Variants in CBLB observed in about 807,000 individuals in gnomAD.
CBLB encodes E3 ubiquitin-protein ligase CBL-B.
Under a neutral mutation model 104.9 loss-of-function variants are expected in CBLB, and 31 were observed. The observed-to-expected ratio is 0.30, with a 90% CI of 0.22 to 0.40. The LOEUF is 0.40. CBLB is among the 10% of genes least tolerant of loss of function. CBLB has a pLI of 1.00. For synonymous variants in CBLB, 440 were observed against 422.6 expected (o/e 1.04, Z -0.51); for missense variants, 1,062 against 1,214.6 (o/e 0.87, Z 1.87).
intron 10 of CBLB, among the ~76,000 whole-genome samples, chr3:105,718,551 A>T (rs866757278): frequency 6.6e-6 from 1 of 152,284 alleles, no homozygotes; most frequent in South Asian, 2.1e-4. Flanking sequence ...TTTCCTTCCT[A>T]CAGAGATAGA....
At chr3:105,780,654 T>G (rs2080089137) in intron 3 of CBLB, among the ~76,000 whole-genome samples, 1 of 83,720 alleles carries the variant, frequency 1.2e-5, no homozygotes, top group Non-Finnish European at 2.4e-5. Flanking sequence ...AAAAGTTTTG[T>G]TTTTTGTTTT....
chr3:105,788,051 G>GA (rs2081225162), intron 3 of CBLB, among the ~76,000 whole-genome samples: 1 of 152,048 alleles, frequency 6.6e-6, no homozygotes, highest in Non-Finnish European at 1.5e-5. Context: ...ATTTGCTCTT[G>GA]GTGAGGCAAT....
At chr3:105,660,966 CT>C (rs35803625) in intron 18 of CBLB, among the ~76,000 whole-genome samples, 66,657 of 142,848 alleles carry the variant, frequency 0.47, 15,507 homozygotes, top group East Asian at 0.74. Flanking sequence ...ATGTCTTCTT[CT>C]TTTTTTTTTT....
intron 10 of CBLB, among the ~76,000 whole-genome samples, chr3:105,714,659 C>T (rs1036931673): frequency 6.6e-6 from 1 of 152,130 alleles, no homozygotes; most frequent in African/African-American, 2.4e-5. Flanking sequence ...GATGAAGCTT[C>T]GCTCACTAGC....
chr3:105,852,695 G>A (rs1185574929), intron 3 of CBLB, among the ~76,000 whole-genome samples: 1 of 152,026 alleles, frequency 6.6e-6, no homozygotes, highest in Non-Finnish European at 1.5e-5. Flanking sequence ...CAAGCTCCAT[G>A]CATGTTATAC....
intron 3 of CBLB, among the ~76,000 whole-genome samples, chr3:105,788,252 T>A (rs1421777378): frequency 6.6e-6 from 1 of 152,090 alleles, no homozygotes; most frequent in Non-Finnish European, 1.5e-5. Flanking sequence ...GCCACATAAA[T>A]AAAACTTCCT....
intron 9 of CBLB, among the ~76,000 whole-genome samples, chr3:105,730,948 T>A (rs775851356): frequency 6.6e-6 from 1 of 152,148 alleles, no homozygotes; most frequent in East Asian, 1.9e-4. Context: ...ACTTCCTCAA[T>A]TTATAAAAGT....
chr3:105,837,274 A>G (rs1054008539), intron 3 of CBLB, among the ~76,000 whole-genome samples: 15 of 152,342 alleles, frequency 9.8e-5, no homozygotes, highest in African/African-American at 3.6e-4. Context: ...AAAGAGGATG[A>G]AGCACTTCTG....
chr3:105,708,072 T>C (rs2070469672), intron 10 of CBLB, among the ~76,000 whole-genome samples: 1 of 152,094 alleles, frequency 6.6e-6, no homozygotes, highest in Non-Finnish European at 1.5e-5. Context: ...GAATTCATCT[T>C]TAGCCCACCA....
At chr3:105,861,172 T>C (rs1182172545) in intron 2 of CBLB, among the ~76,000 whole-genome samples, 1 of 152,054 alleles carries the variant, frequency 6.6e-6, no homozygotes, top group Non-Finnish European at 1.5e-5. Context: ...ATAATATTAT[T>C]AATATATGCC....
At chr3:105,794,002 T>C (rs1032682118) in intron 3 of CBLB, among the ~76,000 whole-genome samples, 4 of 152,154 alleles carry the variant, frequency 2.6e-5, no homozygotes, top group African/African-American at 9.7e-5. Flanking sequence ...AGTTTATATA[T>C]GGGAAAAGGC....
At chr3:105,778,560 TA>T (rs897214893) in intron 3 of CBLB, among the ~76,000 whole-genome samples, 7 of 151,156 alleles carry the variant, frequency 4.6e-5, no homozygotes, top group African/African-American at 1.5e-4. Flanking sequence ...TAAAAAAGTT[TA>T]AAAAAAAACA....
intron 14 of CBLB, among the ~76,000 whole-genome samples, chr3:105,684,740 A>T (rs1234969806): frequency 6.6e-6 from 1 of 152,134 alleles, no homozygotes; most frequent in East Asian, 1.9e-4. Flanking sequence ...TTTAGTAGAG[A>T]CAGGGTTTCA....
rs758510920 is a variant in CBLB at position 105,670,208 on chromosome 3, T to C, written c.2689+25A>G. On this transcript the variant is annotated intron_variant, in intron 18 of 18. Transcript: ENST00000394030. ...AGCACTATATAACAATAAGGTATTA[T>C]TGTTACTGTTACTAGCCAACTCACC... 7 of 1,605,432 alleles carry C rather than the reference T, an allele frequency of 4.4e-6. No individual in the cohort carries two copies. In the Admixed American group the frequency reaches 5.0e-5, roughly 11 times the overall value.
chr3:105,819,077 A>G (rs2085456498), intron 3 of CBLB, among the ~76,000 whole-genome samples: 2 of 152,256 alleles, frequency 1.3e-5, no homozygotes, highest in South Asian at 4.1e-4. Context: ...AATGTTAGAT[A>G]TAACTTAAAT....
intron 10 of CBLB, among the ~76,000 whole-genome samples, chr3:105,713,692 G>C (rs2071428638): frequency 6.6e-6 from 1 of 152,112 alleles, no homozygotes; most frequent in Admixed American, 6.6e-5. Flanking sequence ...CCACTATTTT[G>C]CACGAAGAGC....
At chr3:105,789,733 T>G (rs1053449857) in intron 3 of CBLB, among the ~76,000 whole-genome samples, 1 of 152,150 alleles carries the variant, frequency 6.6e-6, no homozygotes, top group Non-Finnish European at 1.5e-5. Context: ...TTAAATTATG[T>G]GTTTTCTGAA....
At chr3:105,815,516 A>G (rs533588616) in intron 3 of CBLB, among the ~76,000 whole-genome samples, 3 of 152,352 alleles carry the variant, frequency 2.0e-5, no homozygotes, top group African/African-American at 7.2e-5. Flanking sequence ...CACGCCAGTT[A>G]GAATGGTGAT....
chr3:105,736,984 C>T (rs2075019642), intron 8 of CBLB, among the ~76,000 whole-genome samples, 187 bp downstream of exon 8: 1 of 152,026 alleles, frequency 6.6e-6, no homozygotes, highest in Non-Finnish European at 1.5e-5. Context: ...AGAATTTTAA[C>T]AGCATAAATT....
Sources: gnomAD v4.1 joint callset for allele counts (sites outside exome capture counted in the v4.1 genomes callset) on GRCh38, gnomAD v4.1.1 for gene constraint, MANE v1.5 for transcripts, NCBI Gene and HGNC (gene_info 2026-07-23, HGNC 2026-07-21) for gene names.